TRAPPC9: variants seen among roughly 807,000 people sequenced by gnomAD.
TRAPPC9 encodes IKK2 binding protein.
A neutral mutation model predicts 124.0 loss-of-function variants in TRAPPC9; 83 were observed. The observed-to-expected ratio is 0.67, with a 90% CI of 0.56 to 0.80. The LOEUF (loss-of-function observed/expected upper bound fraction) is 0.80, where lower values mean the gene tolerates loss of function less well. Ranked by LOEUF, TRAPPC9 falls within the 30% of genes least tolerant of loss-of-function variation. The probability of loss-of-function intolerance (pLI) is 0.00; values close to 1 mark genes in which losing one functional copy is unlikely to be tolerated. For missense variants in TRAPPC9, 1,302 were observed against 1,508.3 expected (o/e 0.86, Z 2.27); for synonymous variants, 638 against 617.5 (o/e 1.03, Z -0.49).
At chr8:140,141,699 AATC>A (rs1194329709) in intron 17 of TRAPPC9, among the ~76,000 whole-genome samples, 1 of 152,220 alleles carries the variant, frequency 6.6e-6, no homozygotes, top group Non-Finnish European at 1.5e-5. Flanking sequence ...AAATGAGAGA[AATC>A]ATATGCAGTG....
At chr8:139,954,983 G>T (rs140596556) in intron 19 of TRAPPC9, among the ~76,000 whole-genome samples, 1 of 152,156 alleles carries the variant, frequency 6.6e-6, no homozygotes, top group East Asian at 1.9e-4. Flanking sequence ...TTACAATTTG[G>T]CATGTATATA....
chr8:139,903,972 T>C (rs1831182621), intron 20 of TRAPPC9, among the ~76,000 whole-genome samples: 2 of 152,154 alleles, frequency 1.3e-5, no homozygotes, highest in Non-Finnish European at 2.9e-5. Flanking sequence ...CTGCAACCAT[T>C]GCACTCCAGC....
chr8:140,357,647 G>T (rs761701091), intron 9 of TRAPPC9, among the ~76,000 whole-genome samples: 8 of 152,194 alleles, frequency 5.3e-5, no homozygotes, highest in Non-Finnish European at 1.0e-4. Context: ...ACATTCACTC[G>T]AGCAGGTAAC....
intron 21 of TRAPPC9, among the ~76,000 whole-genome samples, chr8:139,875,262 G>C (rs1829247264): frequency 6.6e-6 from 1 of 152,074 alleles, no homozygotes; most frequent in Non-Finnish European, 1.5e-5. Flanking sequence ...GGTGGCCCTG[G>C]GGCTGCCACA....
intron 17 of TRAPPC9, among the ~76,000 whole-genome samples, chr8:140,145,731 T>A (rs971880887): frequency 3.3e-5 from 5 of 152,154 alleles, no homozygotes; most frequent in Non-Finnish European, 5.9e-5. Flanking sequence ...TTTTTTTTAG[T>A]ATGCTAAAAT....
Position 140,352,617 on chromosome 8 carries a change from C to T in TRAPPC9, c.1495+7433G>A, listed in dbSNP as rs147351108. On this transcript the variant is annotated intron_variant, in intron 9 of 22. Coordinates refer to ENST00000438773, the MANE Select transcript of TRAPPC9 (RefSeq NM_001160372.4). ...CTGAATCCCCGGTTACACTGGCCGC[C>T]GCTCCCTGCCTGAAGAACACCTCTG... Among the ~76,000 whole-genome samples, 249 of 152,276 alleles carry T rather than the reference C, an allele frequency of 1.6e-3. 5 individuals are homozygous for T. In the East Asian group the frequency reaches 0.041, roughly 25 times the overall value.
At chr8:140,317,101 A>G (rs968465974) in intron 9 of TRAPPC9, among the ~76,000 whole-genome samples, 1 of 151,852 alleles carries the variant, frequency 6.6e-6, no homozygotes, top group Non-Finnish European at 1.5e-5. Context: ...TTGATTTGAC[A>G]TTTATTCTTT....
rs1024220434 is a variant in TRAPPC9 at position 140,405,599 on chromosome 8, T to C, written c.986A>G (p.Glu329Gly). 1.9e-6 allele frequency: 3 copies of C among 1,614,062 alleles called. No homozygotes were observed. Among genetic ancestry groups the C allele is most frequent in the Admixed American group, 1.7e-5 (1 of 60,014 alleles). The change falls in exon 6 of 23, where the codon GAG becomes GGG. Residue 329 changes from glutamate (E) to glycine (G), a missense_variant. Glu to Gly is a moderately conservative substitution (Grantham distance 98). This residue lies in a region of TRAPPC9 where 657 missense variants were observed against 811.2 expected (regional missense o/e 0.81). Transcript: ENST00000438773. ...SPEDIIDKYKEAISYYSKYKN... is the reference protein window; with the variant it reads ...SPEDIIDKYKGAISYYSKYKN... ...CACCTTGCTGTAATAGGAAATCGCC[T>C]CTTTATACTTGTCAATTATGTCTTC...
intron 20 of TRAPPC9, among the ~76,000 whole-genome samples, chr8:139,908,929 G>A (rs1313869438): frequency 6.6e-6 from 1 of 152,306 alleles, no homozygotes; most frequent in South Asian, 2.1e-4. Flanking sequence ...TTCACTACGT[G>A]AGTCCCCAAG....
intron 21 of TRAPPC9, among the ~76,000 whole-genome samples, chr8:139,851,868 C>T (rs144104653): frequency 3.9e-3 from 600 of 152,192 alleles, no homozygotes; most frequent in Non-Finnish European, 6.6e-3. Context: ...CTGTGAGGGG[C>T]AGGTGGAGAA....
rs896849231 is a variant in TRAPPC9 at position 139,788,706 on chromosome 8, C to A, written c.3056-56504G>T. ...GCCACGCAGAGTCGAGTTACCATCA[C>A]GCCTGCCTTCGTGGGCGCAGGCTGA... On this transcript the variant is annotated intron_variant, in intron 21 of 22. Transcript: ENST00000438773. The surrounding 1 kb of genome is among the most constrained non-coding windows in gnomAD (Gnocchi z 4.9). Among the ~76,000 whole-genome samples, 3 of 152,208 alleles carry A rather than the reference C, an allele frequency of 2.0e-5. No individual in the cohort carries two copies. Among genetic ancestry groups the A allele is most frequent in the Non-Finnish European group, 4.4e-5 (3 of 68,040 alleles).
rs59499088 is a variant in TRAPPC9, at chr8:140,114,332, GA to G, written c.2557-90254del. 8.7e-3 allele frequency among the ~76,000 whole-genome samples: 1,019 copies of G among 117,032 alleles called. 15 individuals carry two copies. Among genetic ancestry groups the G allele is most frequent in the African/African-American group, 0.028 (883 of 31,584 alleles). The allele number at this position is 117,032 out of a possible 152,430, so 76.8% of individuals were successfully genotyped here. A position where few individuals can be genotyped will look rare whatever the true frequency, so the allele number is the denominator to read the frequency against. ...GTTCATAAGGACGAAAAGGACTGAA[GA>G]AAAAAAAAAAAAAAAAAACCTCACA... On this transcript the variant is annotated intron_variant, in intron 17 of 22. Coordinates refer to ENST00000438773, the MANE Select transcript of TRAPPC9 (RefSeq NM_001160372.4).
chr8:139,756,632 G>T (rs1819820144), intron 21 of TRAPPC9, among the ~76,000 whole-genome samples: 1 of 139,106 alleles, frequency 7.2e-6, no homozygotes, highest in African/African-American at 2.8e-5. Context: ...AGGGTTTGGG[G>T]ATGAGGACAG....
At chr8:139,881,687 A>G (rs1184426164) in intron 21 of TRAPPC9, among the ~76,000 whole-genome samples, 1 of 101,544 alleles carries the variant, frequency 9.8e-6, no homozygotes, top group Admixed American at 8.6e-5. Flanking sequence ...CTATGCCAGA[A>G]AAAAACAGCT....
intron 15 of TRAPPC9, among the ~76,000 whole-genome samples, chr8:140,270,998 G>T (rs781099778): frequency 6.6e-6 from 1 of 152,194 alleles, no homozygotes; most frequent in African/African-American, 2.4e-5. Flanking sequence ...ATGGGCACAC[G>T]ATTACCACAG....
chr8:140,218,587 T>G (rs2063259762), intron 17 of TRAPPC9, among the ~76,000 whole-genome samples: 2 of 151,978 alleles, frequency 1.3e-5, no homozygotes, highest in African/African-American at 4.8e-5. Context: ...GACTGTCTGC[T>G]GCTCTGCTAC....
rs1004892423 is a variant in TRAPPC9 at position 140,241,292 on chromosome 8, G to A, written c.2431+11485C>T. The stretch of plus-strand genomic sequence containing the variant: ...TGTGTCCCTGTAATCCCAGCTACTA[G>A]GGAGGAGAATCACTTGAACCCAGGA... On this transcript the variant is annotated intron_variant, in intron 16 of 22. Transcript: ENST00000438773. This position sits in a 1 kb window ranked among gnomAD's most constrained non-coding sequence, Gnocchi z 5.0. Among the ~76,000 whole-genome samples, 1 of 152,022 alleles carries A rather than the reference G, an allele frequency of 6.6e-6. No homozygotes were observed. The highest frequency in any genetic ancestry group is 6.5e-5 in the Admixed American group (1 of 15,268).
At chr8:140,328,231 G>A (rs1232144712) in intron 9 of TRAPPC9, among the ~76,000 whole-genome samples, 1 of 151,886 alleles carries the variant, frequency 6.6e-6, no homozygotes, top group African/African-American at 2.4e-5. Flanking sequence ...CTCCAGCCTG[G>A]GCGAAAGAGC....
At chr8:139,768,087 T>C (rs1367132062) in intron 21 of TRAPPC9, among the ~76,000 whole-genome samples, 12 of 152,194 alleles carry the variant, frequency 7.9e-5, no homozygotes, top group Admixed American at 7.9e-4. Flanking sequence ...AAAAACTCCC[T>C]ATAGTCCAAA....
Sources: allele counts gnomAD v4.1 joint callset (sites outside exome capture counted in the v4.1 genomes callset), GRCh38; gene constraint gnomAD v4.1.1; regional missense constraint gnomAD v4.1.1; non-coding constraint Gnocchi (gnomAD v3.1); transcripts MANE v1.5; gene names NCBI Gene and HGNC (gene_info 2026-07-23, HGNC 2026-07-21).